Variants in DDX31 observed in about 807,000 individuals in gnomAD.
The protein encoded by DDX31 is ATP-dependent DNA helicase DDX31.
A neutral mutation model predicts 91.3 loss-of-function variants in DDX31; 70 were observed. The observed-to-expected ratio is 0.77, with a 90% CI of 0.63 to 0.94. DDX31 has a LOEUF of 0.94. DDX31 is among the 40% of genes least tolerant of loss of function. The pLI, the probability that DDX31 is intolerant of heterozygous loss-of-function variation, is 0.00. For missense variants in DDX31, 902 were observed against 925.0 expected (o/e 0.98, Z 0.32); for synonymous variants, 362 against 350.6 (o/e 1.03, Z -0.36).
Position 132,646,915 on chromosome 9 carries a change from C to T in DDX31, c.1111G>A (p.Ala371Thr). ...TGCTGCTTGAGACTCTCTGGTATTG[C>T]AAAGCTGTCCAGCTTGTCGCCAGCT... Reference protein sequence around the residue: ...PPAGDKLDSFAIPESLKQHVT... With the variant: ...PPAGDKLDSFTIPESLKQHVT... The change falls in exon 12 of 20, where the codon GCA becomes ACA. Residue 371 changes from alanine (A) to threonine (T), a missense_variant. By Grantham distance (58) the Ala-to-Thr change is moderately conservative. Transcript: ENST00000372159. 6.2e-7 allele frequency: 1 copy of T among 1,614,200 alleles called. No individual in the cohort carries two copies. The highest frequency in any genetic ancestry group is 8.5e-7 in the Non-Finnish European group (1 of 1,180,052).
chr9:132,669,514 T>G (rs1403357981), intron 1 of DDX31: 1 of 1,307,960 alleles, frequency 7.6e-7, no homozygotes. Flanking sequence ...TCGAGGAAAC[T>G]GGCTTAGAGA....
At chr9:132,616,697 A>C (rs927179107) in intron 18 of DDX31, among the ~76,000 whole-genome samples, 2 of 152,092 alleles carry the variant, frequency 1.3e-5, no homozygotes. Flanking sequence ...GACACAGAGC[A>C]ATACTCCTCT....
intron 19 of DDX31, among the ~76,000 whole-genome samples, chr9:132,606,967 G>A (rs1831065023): frequency 6.6e-6 from 1 of 152,184 alleles, no homozygotes; most frequent in Non-Finnish European, 1.5e-5. Flanking sequence ...AACCACCCCA[G>A]AGCTTTGCAA....
chr9:132,603,330 A>G (rs1275304669), intron 19 of DDX31, among the ~76,000 whole-genome samples: 1 of 152,214 alleles, frequency 6.6e-6, no homozygotes, highest in Non-Finnish European at 1.5e-5. Context: ...ATATCTGAAA[A>G]AGACTTGAAG....
chr9:132,637,230 C>T (rs886634422), intron 14 of DDX31, among the ~76,000 whole-genome samples: 5 of 152,196 alleles, frequency 3.3e-5, no homozygotes, highest in African/African-American at 1.2e-4. Context: ...ATCAGATCAA[C>T]AGGAGATCAT....
intron 18 of DDX31, among the ~76,000 whole-genome samples, chr9:132,617,619 A>G (rs141592319): frequency 6.6e-6 from 1 of 152,154 alleles, no homozygotes; most frequent in African/African-American, 2.4e-5. Flanking sequence ...TAACAAAAAA[A>G]CCCTGTGCAT....
rs1280613459 is a variant in DDX31, at chr9:132,662,500, T to C, written c.271A>G (p.Arg91Gly). ...AGTGATGAAGTCTTAATGCACTGTC[T>C]CTCCTCCTGGTTTCTATCACTTGTG... ...VSTSDRNQEERQCIKTSSLFK... is the reference protein window; with the variant it reads ...VSTSDRNQEEGQCIKTSSLFK... Residue 91 changes from arginine (R) to glycine (G), a missense_variant, in exon 2 of 20, where the codon AGA becomes GGA. By Grantham distance (125) the Arg-to-Gly change is moderately radical. Coordinates refer to ENST00000372159, the MANE Select transcript of DDX31 (RefSeq NM_022779.9). The C allele has an allele frequency of 2.5e-6, 4 of 1,614,088 alleles. No individual in the cohort carries two copies. The African/African-American group carries it at 4.0e-5, about 16-fold the overall frequency.
intron 6 of DDX31, among the ~76,000 whole-genome samples, chr9:132,653,889 T>C (rs1834380780): frequency 6.6e-6 from 1 of 150,838 alleles, no homozygotes; most frequent in African/African-American, 2.5e-5. Flanking sequence ...AAACATCAGA[T>C]GTTAAAATAA....
At chr9:132,632,578 T>C (rs1359661368) in intron 14 of DDX31, among the ~76,000 whole-genome samples, 1 of 152,070 alleles carries the variant, frequency 6.6e-6, no homozygotes, top group Non-Finnish European at 1.5e-5. Flanking sequence ...CCCACAACCA[T>C]GAGCAACGCC....
chr9:132,665,466 G>A (rs1419891858), intron 1 of DDX31, among the ~76,000 whole-genome samples: 1 of 152,122 alleles, frequency 6.6e-6, no homozygotes, highest in Non-Finnish European at 1.5e-5. Flanking sequence ...GGCTATGAGA[G>A]CACCAACAAA....
Position 132,595,428 on chromosome 9 carries a change from C to CGG in DDX31, c.1995-318_1995-317dup. ...ATGGCAAATGAGGTGTATGATACAG[C>CGG]GGTTTGCCAAAGGACAGGGAAAAAC... On this transcript the variant is annotated intron_variant, in intron 19 of 19. Coordinates refer to ENST00000372159, the MANE Select transcript of DDX31 (RefSeq NM_022779.9). This position sits in a 1 kb window ranked among gnomAD's most constrained non-coding sequence, Gnocchi z 4.6. 6.6e-6 allele frequency among the ~76,000 whole-genome samples: 1 copy of CGG among 152,148 alleles called. No homozygotes were observed.
intron 6 of DDX31, among the ~76,000 whole-genome samples, chr9:132,655,757 CTGAA>C (rs535084285): frequency 2.0e-5 from 3 of 152,196 alleles, no homozygotes; most frequent in African/African-American, 7.2e-5. Flanking sequence ...CTCAAAGACA[CTGAA>C]TGAATGAACA....
At chr9:132,620,403 C>G (rs1831948637) in intron 17 of DDX31, among the ~76,000 whole-genome samples, 1 of 146,338 alleles carries the variant, frequency 6.8e-6, no homozygotes, top group African/African-American at 2.6e-5. Context: ...CAAAATGAGG[C>G]ATCTTTTCTT....
At chr9:132,665,320 T>A (rs892735836) in intron 1 of DDX31, among the ~76,000 whole-genome samples, 1 of 152,202 alleles carries the variant, frequency 6.6e-6, no homozygotes, top group African/African-American at 2.4e-5. Context: ...TTAGCAGTTG[T>A]CAAGAAGCTT....
chr9:132,636,963 T>C (rs2130710687), intron 14 of DDX31, among the ~76,000 whole-genome samples: 2 of 152,302 alleles, frequency 1.3e-5, no homozygotes, highest in Middle Eastern at 3.4e-3. Context: ...CATGAGGTTG[T>C]TGCTAAGATC....
At chr9:132,605,863 G>A (rs1347567705) in intron 19 of DDX31, among the ~76,000 whole-genome samples, 1 of 152,206 alleles carries the variant, frequency 6.6e-6, no homozygotes, top group African/African-American at 2.4e-5. Context: ...GGATGCCACT[G>A]AAAGGCGCTA....
intron 14 of DDX31, among the ~76,000 whole-genome samples, chr9:132,633,531 A>C (rs1590039027): frequency 6.6e-6 from 1 of 152,334 alleles, no homozygotes; most frequent in East Asian, 1.9e-4. Flanking sequence ...TACAGCTATA[A>C]AAAGAACAAA....
intron 14 of DDX31, among the ~76,000 whole-genome samples, chr9:132,633,237 T>C (rs563380115): frequency 1.3e-5 from 2 of 152,304 alleles, no homozygotes; most frequent in African/African-American, 2.4e-5. Context: ...CATTCCACCA[T>C]CAAAAATGAT....
intron 16 of DDX31, among the ~76,000 whole-genome samples, chr9:132,629,195 T>C (rs1832579590): frequency 6.6e-6 from 1 of 152,232 alleles, no homozygotes; most frequent in African/African-American, 2.4e-5. Context: ...AATATGCACA[T>C]CTTCCTTAAC....
Sources: gnomAD v4.1 joint callset for allele counts (sites outside exome capture counted in the v4.1 genomes callset) on GRCh38, gnomAD v4.1.1 for gene constraint, Gnocchi (gnomAD v3.1) non-coding constraint, MANE v1.5 for transcripts, NCBI Gene and HGNC (gene_info 2026-07-23, HGNC 2026-07-21) for gene names.